MAP3K14: variants seen among roughly 807,000 people sequenced by gnomAD.
MAP3K14 encodes the protein mitogen-activated protein kinase kinase kinase 14, also known as NF-kappa-beta-inducing kinase.
A neutral mutation model predicts 99.2 loss-of-function variants in MAP3K14; 16 were observed. The ratio of observed to expected loss-of-function variants is 0.16; its 90% CI spans 0.11 to 0.24. The LOEUF is 0.24. Among genes scored for constraint, MAP3K14 ranks in the 10% least tolerant of loss-of-function variants. The probability of loss-of-function intolerance (pLI) is 1.00; values close to 1 mark genes in which losing one functional copy is unlikely to be tolerated. For synonymous variants in MAP3K14, 462 were observed against 492.4 expected (o/e 0.94, Z 0.82); for missense variants, 784 against 1,208.7 (o/e 0.65, Z 5.21).
chr17:45,290,075 G>T (rs543717976), intron 2 of MAP3K14, among the ~76,000 whole-genome samples: 1 of 152,220 alleles, frequency 6.6e-6, no homozygotes, highest in Non-Finnish European at 1.5e-5. Context: ...CATTCCTGGG[G>T]GTGGGGCCAC....
Position 45,286,452 on chromosome 17 carries a change from G to A in MAP3K14, c.1131C>T (p.Asn377=), listed in dbSNP as rs750776653. 1.6e-5 allele frequency: 25 copies of A among 1,598,648 alleles called. No homozygotes were observed. Among genetic ancestry groups the A allele is most frequent in the Middle Eastern group, 1.7e-4 (1 of 6,040 alleles). The part of the protein sequence containing the change: ...SREPSPKTED[N]EGVLLTEKLK... ...TTACCTCAGTGAGCAGGACACCCTC[G>A]TTGTCCTCAGTTTTGGGGCTGGGCT... is the stretch of plus-strand genomic sequence containing the variant. The change falls in exon 5 of 16, where the codon AAC becomes AAT. Residue 377 remains asparagine (N), a synonymous_variant. Coordinates refer to ENST00000344686, the MANE Select transcript of MAP3K14 (RefSeq NM_003954.5). The surrounding 1 kb of genome is among the most constrained non-coding windows in gnomAD (Gnocchi z 4.1).
rs2044269652 is a variant in MAP3K14, at chr17:45,286,813, G to C, written c.770C>G (p.Pro257Arg). The change falls in exon 5 of 16, where the codon CCC (proline) becomes CGC (arginine). Residue 257 changes from proline to arginine, a missense_variant. Pro to Arg is a moderately radical substitution (Grantham distance 103). Transcript: ENST00000344686. The surrounding 1 kb of genome is among the most constrained non-coding windows in gnomAD (Gnocchi z 4.1). The stretch of plus-strand genomic sequence containing the variant: ...ATGAGGCAGTCTGCTATAGGGGAAG[G>C]GGTGCGTGGGCAGGGGCAGGGGGCC... ...DGGPLPLPTH[P>R]FPYSRLPHPF... 2 of 1,613,378 alleles carry C rather than the reference G, an allele frequency of 1.2e-6. No individual in the cohort carries two copies.
intron 6 of MAP3K14, among the ~76,000 whole-genome samples, chr17:45,276,823 CTTTTTTTT>C (rs35012373): frequency 2.1e-4 from 13 of 62,260 alleles, no homozygotes; most frequent in Admixed American, 4.7e-4. Context: ...TCTTAGACTT[CTTTTTTTT>C]TTTTTTTTTT....
chr17:45,282,299 G>T, intron 6 of MAP3K14: 1 of 152,056 alleles, frequency 6.6e-6, no homozygotes, highest in South Asian at 2.1e-4. Context: ...ATCCTGGTGG[G>T]GCACAGTGGC....
rs560868219 is a variant in MAP3K14 at position 45,304,105 on chromosome 17, C to T, written c.-21+12855G>A. 3.7e-3 allele frequency among the ~76,000 whole-genome samples: 567 copies of T among 151,334 alleles called. 7 individuals carry two copies. The highest frequency in any genetic ancestry group is 0.013 in the African/African-American group (544 of 41,218). On this transcript the variant is annotated intron_variant, in intron 1 of 15. Coordinates refer to ENST00000344686, the MANE Select transcript of MAP3K14 (RefSeq NM_003954.5). ...TTGGCTCACTGCAACCTCCGTCTCCCGAGTTCAAGTGATCCTCCTGCCTCA... is the reference window on the plus strand; with the variant it reads ...TTGGCTCACTGCAACCTCCGTCTCCTGAGTTCAAGTGATCCTCCTGCCTCA...
intron 6 of MAP3K14, among the ~76,000 whole-genome samples, chr17:45,275,898 A>T (rs1401016746): frequency 1.3e-5 from 2 of 151,492 alleles, no homozygotes; most frequent in Non-Finnish European, 2.9e-5. Context: ...AGTAGCTGGG[A>T]CTACAAGTGT....
chr17:45,290,484 C>G lies in MAP3K14; in HGVS notation c.256+6G>C. 4.3e-6 allele frequency: 7 copies of G among 1,613,850 alleles called. No homozygotes were observed. Among genetic ancestry groups the G allele is most frequent in the Non-Finnish European group, 5.1e-6 (6 of 1,179,864 alleles). The stretch of plus-strand genomic sequence containing the variant: ...CCCCGTGCCCACAACAACCCTAGGC[C>G]CCTACACTCAGCCTGGGCGATGATA... On this transcript the variant is annotated splice_donor_region_variant and intron_variant, in intron 2 of 15. Transcript: ENST00000344686.
At position 45,290,578 on chromosome 17, in the gene MAP3K14, C is replaced by T. The variant is rs530385135; in HGVS notation, c.168G>A (p.Glu56=). 10 of 1,613,842 alleles carry T rather than the reference C, an allele frequency of 6.2e-6. No homozygotes were observed. In the Admixed American group the frequency reaches 1.7e-4, roughly 27 times the overall value. ...EKSPVFCGKW[E]ILNDVITKGT... ...CCTTGGTAATCACGTCATTCAGGAT[C>T]TCCCACTTTCCGCAGAACACAGGGC... Residue 56 remains glutamate (E), a synonymous_variant, in exon 2 of 16, where the codon GAG becomes GAA. Coordinates refer to ENST00000344686, the MANE Select transcript of MAP3K14 (RefSeq NM_003954.5).
At chr17:45,289,176 G>T (rs2044291697) in intron 3 of MAP3K14, 60 bp downstream of exon 3, 1 of 1,508,136 alleles carries the variant, frequency 6.6e-7, no homozygotes, top group Non-Finnish European at 9.2e-7. Context: ...GCAAGTGCTG[G>T]GGACGAGGGC....
Position 45,265,184 on chromosome 17 carries a change from G to A in MAP3K14, c.2658C>T (p.Ile886=), listed in dbSNP as rs774434036. 1.2e-6 allele frequency: 2 copies of A among 1,613,730 alleles called. No individual in the cohort carries two copies. The highest frequency in any genetic ancestry group is 1.7e-6 in the Non-Finnish European group (2 of 1,179,726). ...REFHRVKVGD[I]ATGISSQIPA... The stretch of plus-strand genomic sequence containing the variant: ...TTACCTGGCTGCTGATGCCAGTGGC[G>A]ATGTCTCCCACTTTGACCCGGTGGA... The change falls in exon 15 of 16, where the codon ATC becomes ATT. Residue 886 remains isoleucine (I), a synonymous_variant. Transcript: ENST00000344686.
intron 1 of MAP3K14, among the ~76,000 whole-genome samples, chr17:45,300,855 A>C (rs1186271760): frequency 6.6e-6 from 1 of 151,890 alleles, no homozygotes; most frequent in East Asian, 1.9e-4. Flanking sequence ...ATTAAAAAAA[A>C]CAGAAAAAAG....
chr17:45,270,527 G>A lies in MAP3K14; in HGVS notation c.1858C>T (p.Pro620Ser), dbSNP rs1351535566. The change falls in exon 11 of 16, where the codon CCC (proline) becomes TCC (serine). Residue 620 changes from proline to serine, a missense_variant. Coordinates refer to ENST00000344686, the MANE Select transcript of MAP3K14 (RefSeq NM_003954.5). ...SEPPPVREIP[P>S]SCAPLTAQAI... ...TGGGCTGTGAGAGGGGCGCAGGAGG[G>A]TGGGATCTCCCTCACAGGCGGAGGC... 3 of 1,579,746 alleles carry A rather than the reference G, an allele frequency of 1.9e-6. No individual in the cohort carries two copies. The highest frequency in any genetic ancestry group is 1.7e-6 in the Non-Finnish European group (2 of 1,164,724).
At position 45,290,409 on chromosome 17, in the gene MAP3K14, C is replaced by A; in HGVS notation, c.256+81G>T. On this transcript the variant is annotated intron_variant, in intron 2 of 15. Coordinates refer to ENST00000344686, the MANE Select transcript of MAP3K14 (RefSeq NM_003954.5). ...TAGCAGTGACACAGACCTCTCTCCT[C>A]CATAGGGAACCCCTGGGCCCAGCTA... 19 of 1,547,314 alleles carry A rather than the reference C, an allele frequency of 1.2e-5. No individual in the cohort carries two copies. In the South Asian group the frequency reaches 2.2e-4, roughly 18 times the overall value.
chr17:45,268,091 G>A, intron 11 of MAP3K14: 1 of 262,014 alleles, frequency 3.8e-6, no homozygotes, highest in African/African-American at 2.3e-5. Flanking sequence ...AACAGCCCTG[G>A]GGCTACACCA....
intron 1 of MAP3K14, among the ~76,000 whole-genome samples, chr17:45,300,680 T>C (rs2044380514): frequency 6.6e-6 from 1 of 152,130 alleles, no homozygotes; most frequent in Middle Eastern, 3.2e-3. Context: ...CCTTGTCTCC[T>C]CTATCCTCAT....
At chr17:45,291,227 T>C (rs371931803) in intron 1 of MAP3K14, among the ~76,000 whole-genome samples, 1 of 152,246 alleles carries the variant, frequency 6.6e-6, no homozygotes, top group East Asian at 1.9e-4. Flanking sequence ...GCACACACCA[T>C]CCACAGCGAC....
In MAP3K14 at chr17:45,284,962, G is replaced by A; in HGVS notation, c.1153-13C>T. 3.2e-6 allele frequency: 5 copies of A among 1,551,040 alleles called. No homozygotes were observed. The highest frequency in any genetic ancestry group is 4.4e-6 in the Non-Finnish European group (5 of 1,146,480). ...CTGGCTTGAGTTTCTGGGGTTGGCA[G>A]GAGAGAGAGGACAGTTTCAGTGGCC... is the stretch of plus-strand genomic sequence containing the variant. On this transcript the variant is annotated splice_polypyrimidine_tract_variant and intron_variant, in intron 5 of 15. Coordinates refer to ENST00000344686, the MANE Select transcript of MAP3K14 (RefSeq NM_003954.5).
At chr17:45,275,016 G>A (rs1365526657) in intron 6 of MAP3K14, among the ~76,000 whole-genome samples, 2 of 152,010 alleles carry the variant, frequency 1.3e-5, no homozygotes, top group Non-Finnish European at 2.9e-5. Flanking sequence ...GCGGGTGCCT[G>A]TAGTCCCAGC....
intron 1 of MAP3K14, among the ~76,000 whole-genome samples, chr17:45,301,298 T>C (rs2044386354): frequency 6.6e-6 from 1 of 151,996 alleles, no homozygotes; most frequent in African/African-American, 2.4e-5. Context: ...ACCCCGTCTC[T>C]ACTAAAAATA....
Sources: allele counts gnomAD v4.1 joint callset (sites outside exome capture counted in the v4.1 genomes callset), GRCh38; gene constraint gnomAD v4.1.1; non-coding constraint Gnocchi (gnomAD v3.1); transcripts MANE v1.5; gene names NCBI Gene and HGNC (gene_info 2026-07-23, HGNC 2026-07-21).